The following KCNH1 variants were observed in gnomAD, a reference collection of about 807,000 sequenced individuals.
KCNH1 encodes the protein voltage-gated delayed rectifier potassium channel KCNH1.
A neutral mutation model predicts 69.2 loss-of-function variants in KCNH1; 27 were observed. That is an observed-to-expected ratio of 0.39 (90% CI 0.29 to 0.54). The LOEUF is 0.54. Among genes scored for constraint, KCNH1 ranks in the 20% least tolerant of loss-of-function variants. KCNH1 has a pLI of 0.68. For synonymous variants in KCNH1, 456 were observed against 487.7 expected (o/e 0.93, Z 0.86); for missense variants, 798 against 1,261.6 (o/e 0.63, Z 5.57).
intron 7 of KCNH1, among the ~76,000 whole-genome samples, chr1:210,810,740 A>G (rs886901135): frequency 4.6e-5 from 7 of 152,132 alleles, no homozygotes; most frequent in African/African-American, 1.2e-4. Context: ...AAGGATATCA[A>G]TGATAAGCCT....
At chr1:211,057,025 A>G (rs1399997367) in intron 5 of KCNH1, among the ~76,000 whole-genome samples, 1 of 152,196 alleles carries the variant, frequency 6.6e-6, no homozygotes, top group African/African-American at 2.4e-5. Flanking sequence ...CACCCAAACA[A>G]ACTAAGTAAG....
intron 7 of KCNH1, among the ~76,000 whole-genome samples, chr1:210,836,111 CAAA>C (rs776429016): frequency 2.3e-3 from 214 of 93,350 alleles, no homozygotes; most frequent in African/African-American, 9.5e-3. Flanking sequence ...GTCTCCGTCT[CAAA>C]AAAAAAAAAA....
At chr1:210,913,823 T>C (rs901648598) in intron 7 of KCNH1, among the ~76,000 whole-genome samples, 6 of 152,214 alleles carry the variant, frequency 3.9e-5, no homozygotes. Flanking sequence ...GAATAAATAC[T>C]ATATTTCTAT....
chr1:211,013,807 T>G (rs1415533264), intron 6 of KCNH1, among the ~76,000 whole-genome samples: 2 of 151,284 alleles, frequency 1.3e-5, no homozygotes, highest in African/African-American at 4.9e-5. Flanking sequence ...GGTGACAAAG[T>G]CCCTCTTGGG....
intron 5 of KCNH1, among the ~76,000 whole-genome samples, chr1:211,051,438 A>C (rs1368125916): frequency 6.6e-6 from 1 of 151,982 alleles, no homozygotes; most frequent in Non-Finnish European, 1.5e-5. Flanking sequence ...GCCTACCTGG[A>C]GTGGGGTAGG....
Position 210,684,155 on chromosome 1 carries a change from A to G in KCNH1, c.2113-17T>C. 3 of 1,499,218 alleles carry G rather than the reference A, an allele frequency of 2.0e-6. No homozygotes were observed. Among genetic ancestry groups the G allele is most frequent in the Non-Finnish European group, 2.7e-6 (3 of 1,126,248 alleles). 92.9% of individuals were successfully genotyped at this position (1,499,218 alleles called of 1,614,324 possible). ...GAACACAATCTGGAGAGAGAGAGAGAGAGAATGACATGGCGTGTTAGCCAC... is the reference window on the plus strand; with the variant it reads ...GAACACAATCTGGAGAGAGAGAGAGGGAGAATGACATGGCGTGTTAGCCAC... On this transcript the variant is annotated splice_polypyrimidine_tract_variant and intron_variant, in intron 10 of 10. Transcript: ENST00000271751.
chr1:210,720,270 T>C (rs1188573896), intron 10 of KCNH1, among the ~76,000 whole-genome samples: 4 of 152,152 alleles, frequency 2.6e-5, no homozygotes, highest in African/African-American at 9.7e-5. Context: ...AAGTGAGGTA[T>C]GGGAACGGGA....
intron 6 of KCNH1, among the ~76,000 whole-genome samples, chr1:210,936,355 C>T (rs886138427): frequency 6.6e-6 from 1 of 152,168 alleles, no homozygotes; most frequent in Non-Finnish European, 1.5e-5. Context: ...GTTCTCACCA[C>T]CTTCTTGATT....
chr1:211,048,632 C>T (rs527432624), intron 5 of KCNH1, among the ~76,000 whole-genome samples: 8 of 152,174 alleles, frequency 5.3e-5, no homozygotes, highest in Admixed American at 6.5e-5. Flanking sequence ...CTTATAAGTG[C>T]GAGCTAAGCT....
chr1:210,778,486 T>A (rs1574250298), intron 9 of KCNH1, among the ~76,000 whole-genome samples: 1 of 146,718 alleles, frequency 6.8e-6, no homozygotes, highest in East Asian at 2.0e-4. Context: ...AGCTATAATT[T>A]GGCCACCGCA....
chr1:211,014,908 A>T (rs938628005), intron 6 of KCNH1, among the ~76,000 whole-genome samples: 1 of 152,214 alleles, frequency 6.6e-6, no homozygotes, highest in Non-Finnish European at 1.5e-5. Context: ...ATAGGAAGCC[A>T]CTAAGCCATC....
intron 5 of KCNH1, among the ~76,000 whole-genome samples, chr1:211,042,128 T>A (rs1690006571): frequency 6.6e-6 from 1 of 152,194 alleles, no homozygotes; most frequent in Non-Finnish European, 1.5e-5. Context: ...CTACTTTCCA[T>A]GTGGGTGAAT....
At chr1:210,756,143 G>A (rs987429631) in intron 10 of KCNH1, among the ~76,000 whole-genome samples, 6 of 151,896 alleles carry the variant, frequency 4.0e-5, no homozygotes, top group East Asian at 1.9e-4. Flanking sequence ...TGATCCTTCC[G>A]CCTACTGCCA....
At chr1:210,958,324 C>T (rs2102353545) in intron 6 of KCNH1, among the ~76,000 whole-genome samples, 1 of 152,294 alleles carries the variant, frequency 6.6e-6, no homozygotes, top group South Asian at 2.1e-4. Flanking sequence ...TGACCTTTCA[C>T]TCTGATTGCC....
chr1:210,851,659 G>C (rs1371966379), intron 7 of KCNH1, among the ~76,000 whole-genome samples: 1 of 152,124 alleles, frequency 6.6e-6, no homozygotes, highest in Non-Finnish European at 1.5e-5. Flanking sequence ...AACCTAGATG[G>C]GATACCTACT....
chr1:210,873,441 G>A (rs1279844922), intron 7 of KCNH1, among the ~76,000 whole-genome samples: 1 of 152,130 alleles, frequency 6.6e-6, no homozygotes, highest in African/African-American at 2.4e-5. Flanking sequence ...TTCAACTCCT[G>A]GGCTCAAGTG....
intron 1 of KCNH1, among the ~76,000 whole-genome samples, chr1:211,111,840 C>T (rs1339153734): frequency 4.6e-5 from 4 of 87,018 alleles, no homozygotes; most frequent in African/African-American, 5.2e-5. Flanking sequence ...TCTGCCTGGC[C>T]GCTGTACTGT....
At chr1:210,888,858 A>G (rs1686679964) in intron 7 of KCNH1, among the ~76,000 whole-genome samples, 1 of 152,244 alleles carries the variant, frequency 6.6e-6, no homozygotes, top group African/African-American at 2.4e-5. Flanking sequence ...ACCAGGAAGA[A>G]GTCAAATACC....
chr1:211,091,236 C>T (rs1691045825), intron 3 of KCNH1, among the ~76,000 whole-genome samples: 1 of 152,096 alleles, frequency 6.6e-6, no homozygotes, highest in African/African-American at 2.4e-5. Flanking sequence ...GGCTGGAGTA[C>T]AATGGTGCAA....
Sources: allele counts gnomAD v4.1 joint callset (sites outside exome capture counted in the v4.1 genomes callset), GRCh38; gene constraint gnomAD v4.1.1; transcripts MANE v1.5; gene names NCBI Gene and HGNC (gene_info 2026-07-23, HGNC 2026-07-21).